Variants in XAGE3 observed in about 807,000 individuals in gnomAD.
XAGE3 encodes CT12.3.
Under a neutral mutation model 9.2 loss-of-function variants are expected in XAGE3, and 6 were observed. The observed-to-expected ratio is 0.65, with a 90% CI of 0.36 to 1.29. The LOEUF (loss-of-function observed/expected upper bound fraction) is 1.29. XAGE3 is among the 50% of genes most tolerant of loss of function. The probability of loss-of-function intolerance (pLI) is 0.03; values close to 1 mark genes in which losing one functional copy is unlikely to be tolerated. For synonymous variants in XAGE3, 26 were observed against 28.2 expected (o/e 0.92, Z 0.25); for missense variants, 70 against 82.8 (o/e 0.85, Z 0.60).
At chrX:52,864,717 T>C (rs1927842801) in intron 4 of XAGE3, 58 bp downstream of exon 4, 1 of 1,184,911 alleles carries the variant, frequency 8.4e-7, no homozygotes, top group East Asian at 3.0e-5. Context: ...TGTTCTCTTT[T>C]ATTATCAAAA....
rs112444941 is a variant in XAGE3 at position 52,864,643 on chromosome X, T to C, written c.313+132A>G. On this transcript the variant is annotated intron_variant, in intron 4 of 4. Coordinates refer to ENST00000346279, the MANE Select transcript of XAGE3 (RefSeq NM_133179.3). ...GTGTTTAAGTCTTACAGTCAGGCAA[T>C]TGGGGTCTGAACAACCTTTCAAAAA... 7.0e-3 allele frequency: 5,797 copies of C among 830,026 alleles called. 196 individuals are homozygous for C. In the African/African-American group the frequency reaches 0.11, roughly 15 times the overall value. The allele number at this position is 830,026 out of a possible 1,213,427, so 68.4% of individuals were successfully genotyped here.
chrX:52,865,896 A>G (rs1355777325), intron 3 of XAGE3, among the ~76,000 whole-genome samples: 3 of 112,017 alleles, frequency 2.7e-5, no homozygotes, highest in African/African-American at 9.7e-5. Context: ...AATGGTAGGG[A>G]GAACACAAAC....
chrX:52,864,800 T>C lies in XAGE3; in HGVS notation c.288A>G (p.Ser96=), dbSNP rs199719914. The change falls in exon 4 of 5, where the codon TCA becomes TCG. Residue 96 remains serine, a synonymous_variant. Transcript: ENST00000346279. Reference sequence around the variant, plus strand: ...CTCCTTCTGGCATTTTAAATTGTTCTGATTTTGGCAGAATCTTCCCCTGGT... The same window carrying C: ...CTCCTTCTGGCATTTTAAATTGTTCCGATTTTGGCAGAATCTTCCCCTGGT... ...PDDQGKILPK[S]EQFKMPEGGD... 2.4e-5 allele frequency: 29 copies of C among 1,209,870 alleles called. No individual in the cohort carries two copies. In the East Asian group the frequency reaches 8.3e-4, roughly 35 times the overall value.
At chrX:52,867,530 C>T (rs782022903) in intron 1 of XAGE3, among the ~76,000 whole-genome samples, 1 of 111,147 alleles carries the variant, frequency 9.0e-6, no homozygotes, top group East Asian at 2.8e-4. Flanking sequence ...TGCAGAGCCC[C>T]GCCCATTCAA....
Position 52,867,250 on chromosome X carries a change from T to C in XAGE3, c.-8-109A>G, listed in dbSNP as rs141528085. The C allele has an allele frequency of 1.2e-3, 799 of 691,515 alleles. 6 individuals are homozygous for C. In the African/African-American group the frequency reaches 0.015, roughly 13 times the overall value. The allele number at this position is 691,515 out of a possible 1,213,427, so 57.0% of individuals were successfully genotyped here. ...TCATTTTTTAAAAGTTTGTAAATAC[T>C]TTCGAACTAAGTCTCAGGGCAAGTG... On this transcript the variant is annotated intron_variant, in intron 1 of 4. Coordinates refer to ENST00000346279, the MANE Select transcript of XAGE3 (RefSeq NM_133179.3).
chrX:52,864,816 T>C lies in XAGE3; in HGVS notation c.272A>G (p.Lys91Arg). ...AAATTGTTCTGATTTTGGCAGAATC[T>C]TCCCCTGGTCATCAGGACCATTTCC... ...ECGNGPDDQG[K>R]ILPKSEQFKM... Residue 91 changes from lysine to arginine, a missense_variant, in exon 4 of 5, where the codon AAG becomes AGG. Transcript: ENST00000346279. 8.3e-7 allele frequency: 1 copy of C among 1,211,444 alleles called. No individual in the cohort carries two copies. The highest frequency in any genetic ancestry group is 1.1e-6 in the Non-Finnish European group (1 of 895,074).
chrX:52,865,419 G>C (rs1395579295), intron 3 of XAGE3, among the ~76,000 whole-genome samples: 3 of 110,760 alleles, frequency 2.7e-5, no homozygotes, highest in Non-Finnish European at 5.7e-5. Context: ...TCTTCCACAA[G>C]AGTACAGAAA....
intron 1 of XAGE3, among the ~76,000 whole-genome samples, chrX:52,867,692 G>A (rs1927927971): frequency 9.1e-6 from 1 of 110,345 alleles, no homozygotes; most frequent in Non-Finnish European, 1.9e-5. Flanking sequence ...TCCTTCCCGG[G>A]TCGACACGGA....
rs782660021 is a variant in XAGE3 at position 52,866,247 on chromosome X, A to G, written c.187+186T>C. Among the ~76,000 whole-genome samples, 4 of 112,276 alleles carry G rather than the reference A, an allele frequency of 3.6e-5. No individual in the cohort carries two copies. In the East Asian group the frequency reaches 8.3e-4, roughly 23 times the overall value. The stretch of plus-strand genomic sequence containing the variant: ...ATACGAAATATATTTCAAAGGTAAG[A>G]GAAGATTCATTATATCCATGAAGCT... On this transcript the variant is annotated intron_variant, in intron 3 of 4. Transcript: ENST00000346279.
chrX:52,866,397 C>T, intron 3 of XAGE3, 36 bp downstream of exon 3: 7 of 1,186,800 alleles, frequency 5.9e-6, no homozygotes, highest in Non-Finnish European at 8.0e-6. Flanking sequence ...GCCTCCTCCC[C>T]TCCCCATAGA....
intron 1 of XAGE3, among the ~76,000 whole-genome samples, chrX:52,867,689 C>T (rs1174102942): frequency 1.8e-5 from 2 of 110,474 alleles, no homozygotes; most frequent in Non-Finnish European, 1.9e-5. Flanking sequence ...TGCTCCTTCC[C>T]GGGTCGACAC....
intron 2 of XAGE3, 80 bp from the exon 3 acceptor site, chrX:52,866,618 T>C: frequency 1.3e-6 from 1 of 753,474 alleles, no homozygotes; most frequent in South Asian, 2.6e-5. Context: ...ATAATACAAA[T>C]ATACAGAATA....
chrX:52,863,398 T>A (rs1191964118), intron 4 of XAGE3, among the ~76,000 whole-genome samples: 5 of 111,585 alleles, frequency 4.5e-5, no homozygotes. Context: ...TCATGAATAG[T>A]CGGGCAAAAA....
At chrX:52,864,989 A>G in intron 3 of XAGE3, 89 bp from the exon 4 acceptor site, 1 of 1,094,753 alleles carries the variant, frequency 9.1e-7, no homozygotes. Context: ...ATGTTATGAA[A>G]TAAAAGGCTG....
chrX:52,865,621 T>C (rs1457064467), intron 3 of XAGE3, among the ~76,000 whole-genome samples: 1 of 112,154 alleles, frequency 8.9e-6, no homozygotes, highest in Non-Finnish European at 1.9e-5. Flanking sequence ...TAAAAGTATA[T>C]AAACAACTCT....
intron 1 of XAGE3, 154 bp from the exon 2 acceptor site, chrX:52,867,295 A>C: frequency 2.2e-6 from 1 of 458,474 alleles, no homozygotes. Context: ...GTGCCTTCTG[A>C]ATGCTTGGGA....
In XAGE3 at chrX:52,864,914, AG is replaced by A; in HGVS notation, c.188-15del. 1 of 1,209,373 alleles carries A rather than the reference AG, an allele frequency of 8.3e-7. No individual in the cohort carries two copies. The highest frequency in any genetic ancestry group is 1.1e-6 in the Non-Finnish European group (1 of 894,410). On this transcript the variant is annotated splice_polypyrimidine_tract_variant and intron_variant, in intron 3 of 4. Transcript: ENST00000346279. ...CCAGGTCAGGCACTAAAAAATACAA[AG>A]GTTGTCGATTGAAGCAGGCAAACAA...
In XAGE3 at chrX:52,866,500, T is replaced by C. The variant is rs373644312; in HGVS notation, c.120A>G (p.Pro40=). ...GDEEPQQEEP[P]TESRDPAPGQ... ...CAGGTGCAGGATCCCGACTTTCAGT[T>C]GGTGGTTCCTCTTGCTGAGGCTCCT... is the stretch of plus-strand genomic sequence containing the variant. The change falls in exon 3 of 5, where the codon CCA becomes CCG. Residue 40 remains proline, a synonymous_variant. Coordinates refer to ENST00000346279, the MANE Select transcript of XAGE3 (RefSeq NM_133179.3). 1 of 1,209,178 alleles carries C rather than the reference T, an allele frequency of 8.3e-7. No homozygotes were observed. The highest frequency in any genetic ancestry group is 1.1e-6 in the Non-Finnish European group (1 of 895,041).
intron 3 of XAGE3, among the ~76,000 whole-genome samples, chrX:52,865,939 C>T (rs1927874183): frequency 8.9e-6 from 1 of 111,769 alleles, no homozygotes; most frequent in Admixed American, 9.5e-5. Context: ...TTCTCCATGA[C>T]TCAACTGTTC....
Sources: allele counts gnomAD v4.1 joint callset (sites outside exome capture counted in the v4.1 genomes callset), GRCh38; gene constraint gnomAD v4.1.1; transcripts MANE v1.5; gene names NCBI Gene and HGNC (gene_info 2026-07-23, HGNC 2026-07-21).